The following EXT1 variants were observed in gnomAD, a reference collection of about 807,000 sequenced individuals.
The protein encoded by EXT1 is exostosin-1.
EXT1 carries 20 observed loss-of-function variants against 82.5 expected under a neutral mutation model. That is an observed-to-expected ratio of 0.24 (90% CI 0.17 to 0.35). The LOEUF is 0.35. Ranked by LOEUF, EXT1 falls within the 10% of genes least tolerant of loss-of-function variation. EXT1 has a pLI of 1.00. For synonymous variants in EXT1, 348 were observed against 350.8 expected (o/e 0.99, Z 0.09); for missense variants, 757 against 936.5 (o/e 0.81, Z 2.50).
chr8:117,807,176 A>C, intron 9 of EXT1, 41 bp downstream of exon 9: 1 of 1,612,660 alleles, frequency 6.2e-7, no homozygotes, highest in Non-Finnish European at 8.5e-7. Flanking sequence ...CAATATAAAA[A>C]GCTATGTAAA....
intron 1 of EXT1, among the ~76,000 whole-genome samples, chr8:117,873,450 T>C (rs867865914): frequency 1.8e-5 from 2 of 109,464 alleles, no homozygotes; most frequent in East Asian, 5.1e-4. Flanking sequence ...CCTGTGACTT[T>C]TTTTTTTTTT....
At chr8:118,061,828 T>C (rs956376529) in intron 1 of EXT1, among the ~76,000 whole-genome samples, 2 of 152,196 alleles carry the variant, frequency 1.3e-5, no homozygotes, top group African/African-American at 4.8e-5. Context: ...TGCAAAAGAT[T>C]TGTAGATCAA....
chr8:118,088,762 G>C (rs1371970931), intron 1 of EXT1, among the ~76,000 whole-genome samples: 3 of 150,922 alleles, frequency 2.0e-5, no homozygotes, highest in African/African-American at 7.3e-5. Flanking sequence ...CACTGTCCTG[G>C]TCCTAGACTT....
At chr8:117,822,113 A>C (rs1811934346) in intron 5 of EXT1, among the ~76,000 whole-genome samples, 1 of 152,140 alleles carries the variant, frequency 6.6e-6, no homozygotes, top group African/African-American at 2.4e-5. Context: ...ATTGTGAAAA[A>C]AAAAATTGGG....
intron 1 of EXT1, among the ~76,000 whole-genome samples, chr8:117,906,682 C>T (rs182029633): frequency 6.6e-6 from 1 of 152,070 alleles, no homozygotes. Context: ...TACTCAAAAC[C>T]GAAAGATGAT....
At chr8:118,011,142 A>G (rs751236246) in intron 1 of EXT1, among the ~76,000 whole-genome samples, 1 of 152,098 alleles carries the variant, frequency 6.6e-6, no homozygotes, top group African/African-American at 2.4e-5. Context: ...TGCAAACGAC[A>G]CCTCCTCAAA....
chr8:117,875,123 G>A (rs945888263), intron 1 of EXT1, among the ~76,000 whole-genome samples: 1 of 152,108 alleles, frequency 6.6e-6, no homozygotes, highest in Non-Finnish European at 1.5e-5. Context: ...ATCATTTAAA[G>A]GTAGGGGATG....
At chr8:117,959,366 T>C (rs543853669) in intron 1 of EXT1, among the ~76,000 whole-genome samples, 5 of 152,240 alleles carry the variant, frequency 3.3e-5, no homozygotes, top group Non-Finnish European at 5.9e-5. Context: ...TTCTGCTTCA[T>C]GTTTCCCACA....
chr8:117,833,602 G>A (rs959255876), intron 3 of EXT1, among the ~76,000 whole-genome samples: 41 of 150,350 alleles, frequency 2.7e-4, no homozygotes, highest in African/African-American at 7.4e-4. Flanking sequence ...GTGACAGAGC[G>A]AGACTCCATC....
At chr8:117,976,986 GGGCACA>G (rs1188275353) in intron 1 of EXT1, among the ~76,000 whole-genome samples, 31 of 152,060 alleles carry the variant, frequency 2.0e-4, no homozygotes, top group Admixed American at 1.6e-3. Flanking sequence ...TTGCTTCCTG[GGGCACA>G]GTAGCAAAAT....
chr8:117,940,075 T>C (rs1403401576), intron 1 of EXT1, among the ~76,000 whole-genome samples: 3 of 152,188 alleles, frequency 2.0e-5, no homozygotes, highest in Non-Finnish European at 4.4e-5. Flanking sequence ...TTTTCACCAT[T>C]ACACCAATAA....
intron 1 of EXT1, among the ~76,000 whole-genome samples, chr8:117,864,380 T>C (rs940403527): frequency 2.0e-5 from 3 of 152,164 alleles, no homozygotes; most frequent in Admixed American, 6.5e-5. Context: ...TTGGCTTTCC[T>C]GGGCCAGGAT....
chr8:117,900,180 G>A (rs1370219908), intron 1 of EXT1, among the ~76,000 whole-genome samples: 1 of 152,156 alleles, frequency 6.6e-6, no homozygotes, highest in African/African-American at 2.4e-5. Context: ...CTGCCTAGAG[G>A]TCAGGAAAGA....
intron 1 of EXT1, among the ~76,000 whole-genome samples, chr8:118,093,268 CAAAA>C (rs10594150): frequency 3.4e-4 from 23 of 66,790 alleles, no homozygotes; most frequent in African/African-American, 5.7e-4. Context: ...AAATTCCCAG[CAAAA>C]AAAAAAAAAA....
At chr8:117,806,304 C>T (rs1186289439) in intron 9 of EXT1, among the ~76,000 whole-genome samples, 1 of 152,222 alleles carries the variant, frequency 6.6e-6, no homozygotes, top group African/African-American at 2.4e-5. Context: ...CTGTCCTCCT[C>T]CCCTGTCACT....
chr8:118,074,674 T>C (rs1817173666), intron 1 of EXT1, among the ~76,000 whole-genome samples: 1 of 151,924 alleles, frequency 6.6e-6, no homozygotes, highest in Admixed American at 6.6e-5. Flanking sequence ...GATATTTACA[T>C]TTCTCCAGGC....
In EXT1 at chr8:117,950,467, T is replaced by C. The variant is rs556080680; in HGVS notation, c.963-113266A>G. ...CATCAGATAATGCCTGCTGTTCCCA[T>C]TTTTCCTAGAAATGGGGTATGAGTA... On this transcript the variant is annotated intron_variant, in intron 1 of 10. Coordinates refer to ENST00000378204, the MANE Select transcript of EXT1 (RefSeq NM_000127.3). 3.2e-4 allele frequency among the ~76,000 whole-genome samples: 48 copies of C among 152,298 alleles called. 2 individuals are homozygous for C. The South Asian group carries it at 8.7e-3, about 28-fold the overall frequency.
At chr8:117,840,631 A>C (rs1812260369) in intron 1 of EXT1, among the ~76,000 whole-genome samples, 1 of 152,036 alleles carries the variant, frequency 6.6e-6, no homozygotes. Flanking sequence ...AAAAAAAAAA[A>C]AGAAAGAGAG....
chr8:118,066,171 C>T (rs903066304), intron 1 of EXT1, among the ~76,000 whole-genome samples: 1 of 152,110 alleles, frequency 6.6e-6, no homozygotes, highest in African/African-American at 2.4e-5. Flanking sequence ...CTGTCACCCG[C>T]AAGACAGCAA....
Sources: allele counts gnomAD v4.1 joint callset (sites outside exome capture counted in the v4.1 genomes callset), GRCh38; gene constraint gnomAD v4.1.1; transcripts MANE v1.5; gene names NCBI Gene and HGNC (gene_info 2026-07-23, HGNC 2026-07-21).